Variants in PHTF2 observed in about 807,000 individuals in gnomAD.
The protein encoded by PHTF2 is putative homeodomain transcription factor 2.
In PHTF2, 60 loss-of-function variants were observed where a neutral mutation model predicts 101.2. The ratio of observed to expected loss-of-function variants is 0.59; its 90% confidence interval spans 0.48 to 0.73. The LOEUF (loss-of-function observed/expected upper bound fraction) is 0.73, where lower values mean the gene tolerates loss of function less well. Ranked by LOEUF, PHTF2 falls within the 30% of genes least tolerant of loss-of-function variation. The pLI, the probability that PHTF2 is intolerant of heterozygous loss-of-function variation, is 0.00. For missense variants in PHTF2, 747 were observed against 908.7 expected, an observed-to-expected ratio of 0.82 and a Z score of 2.29; for synonymous variants, 311 against 307.3, an observed-to-expected ratio of 1.01 and a Z score of -0.13.
At chr7:77,927,846 G>A (rs985084552) in intron 11 of PHTF2, among the ~76,000 whole-genome samples, 1 of 152,200 alleles carries the variant, frequency 6.6e-6, no homozygotes, top group African/African-American at 2.4e-5. Flanking sequence ...GTAGCCTACT[G>A]TCACTGGAGT....
intron 13 of PHTF2, among the ~76,000 whole-genome samples, chr7:77,938,333 T>C (rs1444744969): frequency 6.6e-6 from 1 of 152,208 alleles, no homozygotes; most frequent in Non-Finnish European, 1.5e-5. Flanking sequence ...GTAATGCAGA[T>C]AGTGGTAAAA....
At chr7:77,824,046 G>T (rs995508537) in intron 1 of PHTF2, among the ~76,000 whole-genome samples, 1 of 152,022 alleles carries the variant, frequency 6.6e-6, no homozygotes, top group Admixed American at 6.6e-5. Flanking sequence ...GGCTGGAGAG[G>T]GATCATATGA....
chr7:77,895,841 A>G (rs1001974201), intron 5 of PHTF2: 8 of 152,188 alleles, frequency 5.3e-5, no homozygotes, highest in African/African-American at 1.9e-4. Flanking sequence ...ACCTTGTAAT[A>G]GTAATTGAAG....
exon 20 of PHTF2, chr7:77,955,678 G>T (rs35005980): frequency 0.075 from 11,467 of 152,522 alleles, 528 homozygotes; most frequent in South Asian, 0.18. Context: ...ATCCTTTTGA[G>T]TGAGGTATAT....
chr7:77,827,651 C>CT lies in PHTF2; in HGVS notation c.-35-12561dup, dbSNP rs34179590. Among the ~76,000 whole-genome samples the CT allele has an allele frequency of 5.3e-5, 8 of 150,954 alleles. No individual in the cohort carries two copies. In the South Asian group the frequency reaches 1.0e-3, roughly 20 times the overall value. ...ACAGGTGTGAGCCACTGCGTGCAGC[C>CT]TTTTTTTTTGAGATGGAGTTTCGCT... On this transcript the variant is annotated intron_variant, in intron 1 of 19. Transcript: ENST00000416283.
chr7:77,902,867 A>T (rs1479104430), intron 7 of PHTF2, among the ~76,000 whole-genome samples: 1 of 152,206 alleles, frequency 6.6e-6, no homozygotes, highest in Non-Finnish European at 1.5e-5. Context: ...GCCAGGTTAC[A>T]TCTTATATAC....
intron 3 of PHTF2, among the ~76,000 whole-genome samples, chr7:77,865,160 C>T (rs897444081): frequency 1.3e-5 from 2 of 152,058 alleles, no homozygotes; most frequent in Non-Finnish European, 2.9e-5. Flanking sequence ...TATAAACATT[C>T]TGAGATGTTC....
intron 3 of PHTF2, among the ~76,000 whole-genome samples, chr7:77,868,481 T>C (rs1358907537): frequency 6.6e-6 from 1 of 151,948 alleles, no homozygotes; most frequent in Non-Finnish European, 1.5e-5. Context: ...AATTGAACTT[T>C]TTATTACAAT....
chr7:77,819,879 G>T (rs559480331), intron 1 of PHTF2, among the ~76,000 whole-genome samples: 1 of 152,056 alleles, frequency 6.6e-6, no homozygotes, highest in African/African-American at 2.4e-5. Context: ...TTTCTTTTAT[G>T]GGAGACTTTT....
chr7:77,814,576 ATC>A (rs1793706862), intron 1 of PHTF2, among the ~76,000 whole-genome samples: 1 of 150,944 alleles, frequency 6.6e-6, no homozygotes, highest in East Asian at 2.0e-4. Flanking sequence ...CAGTGGCGCA[ATC>A]TCAGCTCATT....
At chr7:77,898,227 G>T (rs547026688) in intron 5 of PHTF2, among the ~76,000 whole-genome samples, 1 of 152,096 alleles carries the variant, frequency 6.6e-6, no homozygotes, top group South Asian at 2.1e-4. Context: ...AGGGACTTTT[G>T]ATTCTTAAAA....
Position 77,954,742 on chromosome 7 carries a change from T to C in PHTF2, c.2338-116T>C, listed in dbSNP as rs1430916028. 5 of 592,748 alleles carry C rather than the reference T, an allele frequency of 8.4e-6. No individual in the cohort carries two copies. In the African/African-American group the frequency reaches 9.8e-5, roughly 12 times the overall value. 36.7% of individuals were successfully genotyped at this position (592,748 alleles called of 1,614,324 possible). On this transcript the variant is annotated intron_variant, in intron 19 of 19. Transcript: ENST00000416283. ...TTAAAAGGATAAAGGAGTTAAAATA[T>C]TAGAAACTGCACTTGTTTGTGAATG...
chr7:77,893,571 A>G, intron 3 of PHTF2, 37 bp from the exon 3 acceptor site: 1 of 866,486 alleles, frequency 1.2e-6, no homozygotes, highest in Non-Finnish European at 1.9e-6. Context: ...GATGGGTACC[A>G]GCAATGACCA....
intron 7 of PHTF2, among the ~76,000 whole-genome samples, chr7:77,904,540 G>A (rs1420378124): frequency 2.6e-5 from 4 of 152,202 alleles, no homozygotes; most frequent in Non-Finnish European, 5.9e-5. Context: ...GTGCAAGAGT[G>A]AGGCAATGTC....
At chr7:77,830,152 G>A (rs937984157) in intron 1 of PHTF2, among the ~76,000 whole-genome samples, 1 of 152,076 alleles carries the variant, frequency 6.6e-6, no homozygotes, top group Non-Finnish European at 1.5e-5. Flanking sequence ...GGGAGGTGGG[G>A]GCACATACAG....
At chr7:77,814,139 A>C (rs990556080) in intron 1 of PHTF2, among the ~76,000 whole-genome samples, 1 of 152,178 alleles carries the variant, frequency 6.6e-6, no homozygotes, top group East Asian at 1.9e-4. Context: ...TTGCAAGCCC[A>C]GGCTGTAAAT....
intron 3 of PHTF2, among the ~76,000 whole-genome samples, chr7:77,855,293 G>A (rs1164900002): frequency 6.6e-6 from 1 of 152,222 alleles, no homozygotes; most frequent in African/African-American, 2.4e-5. Context: ...GGCACTTCAG[G>A]ACTCTGCCCA....
intron 1 of PHTF2, among the ~76,000 whole-genome samples, chr7:77,836,695 A>G (rs1398180048): frequency 6.6e-6 from 1 of 152,098 alleles, no homozygotes; most frequent in Non-Finnish European, 1.5e-5. Context: ...GGAAACCATC[A>G]TTCTCAGCAA....
At chr7:77,945,798 TCTGTAA>T (rs750888451) in intron 16 of PHTF2, among the ~76,000 whole-genome samples, 17 of 152,142 alleles carry the variant, frequency 1.1e-4, no homozygotes, top group Non-Finnish European at 2.1e-4. Context: ...CCTGAAGAGA[TCTGTAA>T]CTGTAAGTAG....
Sources: allele counts gnomAD v4.1 joint callset (sites outside exome capture counted in the v4.1 genomes callset), GRCh38; gene constraint gnomAD v4.1.1; transcripts MANE v1.5; gene names NCBI Gene and HGNC (gene_info 2026-07-23, HGNC 2026-07-21).